The following DNAJC5B variants were observed in gnomAD, a reference collection of about 807,000 sequenced individuals.
DNAJC5B encodes DnaJ heat shock protein family (Hsp40) member C5 beta, also known as dnaJ homolog subfamily C member 5B.
In DNAJC5B, 23 loss-of-function variants were observed where a neutral mutation model predicts 24.7. The observed-to-expected ratio is 0.93, with a 90% CI of 0.67 to 1.32. The LOEUF is 1.32. DNAJC5B is among the 40% of genes most tolerant of loss of function. The pLI, the probability that DNAJC5B is intolerant of heterozygous loss-of-function variation, is 0.00. For missense variants in DNAJC5B, 238 were observed against 240.8 expected, an observed-to-expected ratio of 0.99 and a Z score of 0.08; for synonymous variants, 101 against 90.1, an observed-to-expected ratio of 1.12 and a Z score of -0.68.
intron 3 of DNAJC5B, among the ~76,000 whole-genome samples, chr8:66,056,180 G>A (rs543241046): frequency 5.3e-5 from 8 of 152,052 alleles, no homozygotes; most frequent in African/African-American, 1.9e-4. Flanking sequence ...GATAACCCAG[G>A]CCCAGCTTTT....
chr8:66,049,863 C>T (rs1204436161), intron 2 of DNAJC5B, among the ~76,000 whole-genome samples: 1 of 152,178 alleles, frequency 6.6e-6, no homozygotes, highest in Non-Finnish European at 1.5e-5. Flanking sequence ...ATTGATTTTA[C>T]AACTATCTGT....
chr8:66,018,871 C>G (rs1356849928), upstream of DNAJC5B, among the ~76,000 whole-genome samples: 1 of 152,220 alleles, frequency 6.6e-6, no homozygotes, highest in Non-Finnish European at 1.5e-5. Context: ...TCCTCCATAA[C>G]TAAGCAAAAA....
At chr8:66,054,444 T>C (rs1438012205) in intron 3 of DNAJC5B, among the ~76,000 whole-genome samples, 1 of 152,230 alleles carries the variant, frequency 6.6e-6, no homozygotes, top group Non-Finnish European at 1.5e-5. Context: ...GGAGTTTATT[T>C]TGGCATAAGG....
At position 66,100,127 on chromosome 8, in the gene DNAJC5B, CT is replaced by C; in HGVS notation, c.*100del. 2 of 981,784 alleles carry C rather than the reference CT, an allele frequency of 2.0e-6. No individual in the cohort carries two copies. 60.8% of individuals were successfully genotyped at this position (981,784 alleles called of 1,614,324 possible). Reference sequence around the variant, plus strand: ...CGTGTGGGGCATAAAGTGCTGTGAACTTTTCCATCTTGTTGTTTTATTTTTG... The same window carrying C: ...CGTGTGGGGCATAAAGTGCTGTGAACTTTCCATCTTGTTGTTTTATTTTTG... On this transcript the variant is annotated 3_prime_UTR_variant, in exon 6 of 6. Transcript: ENST00000276570.
Position 66,080,489 on chromosome 8 carries a change from A to G in DNAJC5B, c.446A>G (p.Glu149Gly). ...CGGCCCGAGTCATCAGTGCCAGAAG[A>G]GGACTTCTATGTGTCCCCAGAGGAT... is the stretch of plus-strand genomic sequence containing the variant. ...HCRPESSVPEEDFYVSPEDLE... is the reference protein window; with the variant it reads ...HCRPESSVPEGDFYVSPEDLE... The change falls in exon 5 of 6, where the codon GAG (glutamate) becomes GGG (glycine). Residue 149 changes from glutamate (E) to glycine (G), a missense_variant. Coordinates refer to ENST00000276570, the MANE Select transcript of DNAJC5B (RefSeq NM_033105.6). The G allele has an allele frequency of 6.2e-7, 1 of 1,613,884 alleles. No homozygotes were observed. Among genetic ancestry groups the G allele is most frequent in the South Asian group, 1.1e-5 (1 of 91,060 alleles).
chr8:66,088,537 C>T (rs963714625), intron 5 of DNAJC5B, among the ~76,000 whole-genome samples: 4 of 152,156 alleles, frequency 2.6e-5, no homozygotes, highest in South Asian at 2.1e-4. Context: ...AAATCCAAAC[C>T]TTATGCTCTG....
intron 3 of DNAJC5B, among the ~76,000 whole-genome samples, chr8:66,052,828 A>G (rs572672700): frequency 1.3e-5 from 2 of 152,324 alleles, no homozygotes; most frequent in African/African-American, 4.8e-5. Flanking sequence ...GGCTAGTTGG[A>G]GGAAGAAAGA....
intron 5 of DNAJC5B, among the ~76,000 whole-genome samples, chr8:66,095,570 C>T (rs1400591148): frequency 6.6e-6 from 1 of 150,714 alleles, no homozygotes; most frequent in Non-Finnish European, 1.5e-5. Context: ...AATTTTTGTA[C>T]TTCTTAATTT....
At chr8:66,088,802 CCTCAG>C (rs903070596) in intron 5 of DNAJC5B, among the ~76,000 whole-genome samples, 54 of 152,110 alleles carry the variant, frequency 3.6e-4, no homozygotes, top group African/African-American at 1.1e-3. Flanking sequence ...TCTGAGACCA[CCTCAG>C]CCTGGACTTC....
chr8:66,096,223 C>G (rs1247745487), intron 5 of DNAJC5B, among the ~76,000 whole-genome samples: 2 of 152,062 alleles, frequency 1.3e-5, no homozygotes, highest in African/African-American at 2.4e-5. Context: ...CCTCTGTGTC[C>G]AAATCTCTTC....
At chr8:66,082,104 CT>C (rs1807608822) in intron 5 of DNAJC5B, among the ~76,000 whole-genome samples, 1 of 152,074 alleles carries the variant, frequency 6.6e-6, no homozygotes, top group Admixed American at 6.5e-5. Context: ...AGGAGAGAAA[CT>C]GTTACAAGAT....
At chr8:66,041,785 G>T (rs890970756) in intron 1 of DNAJC5B, among the ~76,000 whole-genome samples, 1 of 152,142 alleles carries the variant, frequency 6.6e-6, no homozygotes, top group Non-Finnish European at 1.5e-5. Context: ...ACCTGGTTAC[G>T]TGGAATATGA....
chr8:66,068,128 T>G (rs1440782180), intron 3 of DNAJC5B, among the ~76,000 whole-genome samples: 1 of 152,328 alleles, frequency 6.6e-6, no homozygotes, highest in East Asian at 1.9e-4. Context: ...ATCTTCTTAG[T>G]CCTCAAATTA....
intron 1 of DNAJC5B, among the ~76,000 whole-genome samples, chr8:66,026,025 T>G (rs576283084): frequency 9.2e-6 from 1 of 109,146 alleles, no homozygotes; most frequent in Non-Finnish European, 1.7e-5. Context: ...GTATGGCCAT[T>G]TTCACGATAT....
intron 3 of DNAJC5B, among the ~76,000 whole-genome samples, chr8:66,059,437 C>A (rs146552739): frequency 1.3e-5 from 2 of 152,282 alleles, no homozygotes; most frequent in African/African-American, 4.8e-5. Flanking sequence ...TTAGATATCG[C>A]TCCAAGAGCC....
At chr8:66,076,006 C>G (rs576113581) in intron 3 of DNAJC5B, among the ~76,000 whole-genome samples, 2 of 152,336 alleles carry the variant, frequency 1.3e-5, no homozygotes, top group South Asian at 4.1e-4. Context: ...CCCTCAGAAA[C>G]TGCTTTCTGA....
intron 3 of DNAJC5B, among the ~76,000 whole-genome samples, chr8:66,054,155 G>C (rs1456268074): frequency 6.6e-6 from 1 of 151,808 alleles, no homozygotes; most frequent in African/African-American, 2.4e-5. Flanking sequence ...GCGGTATAAA[G>C]CTATGCCTTT....
intron 3 of DNAJC5B, among the ~76,000 whole-genome samples, chr8:66,065,508 C>CAG (rs1366197072): frequency 6.6e-6 from 1 of 152,198 alleles, no homozygotes; most frequent in Non-Finnish European, 1.5e-5. Context: ...TTATGAAGGA[C>CAG]AGAGACTAAT....
intron 1 of DNAJC5B, among the ~76,000 whole-genome samples, chr8:66,023,485 T>C (rs1806186793): frequency 6.6e-6 from 1 of 152,186 alleles, no homozygotes; most frequent in Admixed American, 6.5e-5. Context: ...TACTGTAAAT[T>C]GAGGGCTGAT....
Sources: gnomAD v4.1 joint callset for allele counts (sites outside exome capture counted in the v4.1 genomes callset) on GRCh38, gnomAD v4.1.1 for gene constraint, MANE v1.5 for transcripts, NCBI Gene and HGNC (gene_info 2026-07-23, HGNC 2026-07-21) for gene names.